AREG: variants seen among roughly 807,000 people sequenced by gnomAD.
AREG encodes amphiregulin.
Under a neutral mutation model 28.0 loss-of-function variants are expected in AREG, and 16 were observed. The observed-to-expected ratio is 0.57, with a 90% confidence interval of 0.39 to 0.87. The LOEUF (loss-of-function observed/expected upper bound fraction) is 0.87, where lower values mean the gene tolerates loss of function less well. AREG is among the 40% of genes least tolerant of loss of function. The pLI, the probability that AREG is intolerant of heterozygous loss-of-function variation, is 0.00. For missense variants in AREG, 287 were observed against 309.1 expected (o/e 0.93, Z 0.53); for synonymous variants, 113 against 113.5 (o/e 1.00, Z 0.02).
chr4:74,446,895 TG>T (rs1719300509), intron 2 of AREG, 113 bp downstream of exon 2: 11 of 1,602,504 alleles, frequency 6.9e-6, no homozygotes, highest in Non-Finnish European at 9.4e-6. Context: ...ATTGTATATC[TG>T]TTGGATAGCC....
chr4:74,451,429 A>G (rs978583092), intron 4 of AREG, among the ~76,000 whole-genome samples: 25 of 152,236 alleles, frequency 1.6e-4, no homozygotes, highest in Non-Finnish European at 4.4e-5. Context: ...TTTAACAGCT[A>G]TCCACTTGTG....
chr4:74,449,559 A>G (rs1719347230), intron 3 of AREG, among the ~76,000 whole-genome samples: 1 of 152,202 alleles, frequency 6.6e-6, no homozygotes, highest in African/African-American at 2.4e-5. Context: ...CAGCCTGGGC[A>G]ACATGGGGTG....
In AREG at chr4:74,454,962, G is replaced by A. The variant is rs1291161003; in HGVS notation, c.*222G>A. 1 of 622,482 alleles carries A rather than the reference G, an allele frequency of 1.6e-6. No homozygotes were observed. The highest frequency in any genetic ancestry group is 2.8e-6 in the Non-Finnish European group (1 of 351,160). The allele number at this position is 622,482 out of a possible 1,614,324, so 38.6% of individuals were successfully genotyped here. The stretch of plus-strand genomic sequence containing the variant: ...GTAAATAATTTATTTAATATTTAAT[G>A]GAAGTGTATTTATTTTACAGCTCAT... On this transcript the variant is annotated 3_prime_UTR_variant, in exon 6 of 6. Transcript: ENST00000395748.
chr4:74,452,571 T>A lies in AREG; in HGVS notation c.693T>A (p.Tyr231Ter). The A allele has an allele frequency of 1.2e-6, 2 of 1,613,510 alleles. No individual in the cohort carries two copies. Among genetic ancestry groups the A allele is most frequent in the Non-Finnish European group, 1.7e-6 (2 of 1,179,672 alleles). Residue 231 changes from tyrosine to a stop codon, truncating the protein, a stop_gained, in exon 5 of 6, where the codon TAT (tyrosine) becomes TAA (stop). Transcript: ENST00000395748. LOFTEE classifies it high-confidence loss of function. ...TTAGAAGACAATACGTCAGGAAATA[T>A]GAAGGAGAAGCTGAGGAACGAAAGA... ...VQLRRQYVRKYEGEAEERKKL... is the reference protein window; with the variant it reads ...VQLRRQYVRK
chr4:74,446,486 GC>G (rs1405279602), intron 1 of AREG, 47 bp from the exon 2 acceptor site: 109 of 1,613,756 alleles, frequency 6.8e-5, no homozygotes, highest in Non-Finnish European at 8.7e-5. Flanking sequence ...GACTCGAAAG[GC>G]ACCCTACTTT....
chr4:74,448,257 C>T (rs2643003), intron 2 of AREG, among the ~76,000 whole-genome samples: 123,665 of 152,240 alleles, frequency 0.81, 51,174 homozygotes, highest in East Asian at 0.99. Flanking sequence ...ATATAAAAAT[C>T]GCATAACCAC....
At chr4:74,445,432 C>G (rs1056201680) in intron 1 of AREG, 26 bp downstream of exon 1, 39 of 1,599,360 alleles carry the variant, frequency 2.4e-5, no homozygotes, top group Non-Finnish European at 3.3e-5. Flanking sequence ...CGCTGAACTG[C>G]TGGGCTCTCC....
intron 3 of AREG, 110 bp downstream of exon 3, chr4:74,449,358 C>T (rs1408076865): frequency 6.4e-7 from 1 of 1,554,356 alleles, no homozygotes; most frequent in Non-Finnish European, 8.7e-7. Context: ...GGTCAGTAAA[C>T]TTTTTGTTAA....
intron 3 of AREG, 69 bp from the exon 4 acceptor site, chr4:74,450,311 C>T: frequency 1.2e-6 from 2 of 1,611,876 alleles, no homozygotes; most frequent in Non-Finnish European, 1.7e-6. Flanking sequence ...TCTTTATGAT[C>T]TGGAGAATAA....
At chr4:74,446,455 A>G (rs1490620948) in intron 1 of AREG, 79 bp from the exon 2 acceptor site, 2 of 1,611,442 alleles carry the variant, frequency 1.2e-6, no homozygotes, top group African/African-American at 1.3e-5. Flanking sequence ...CAAAAGATAA[A>G]CTTTTCTACC....
In AREG at chr4:74,449,062, AG is replaced by A; in HGVS notation, c.327del (p.Lys109AsnfsTer54). On this transcript the variant is annotated frameshift_variant, in exon 3 of 6. Transcript: ENST00000395748. LOFTEE classifies it high-confidence loss of function. ...TCTTTTTTAGTTGAACAGGTAGTTA[AG>A]CCCCCCCAAAACAAGACGGAAAGTG... Reference protein sequence around the residue: ...DDSVRVEQVVKPPQNKTESEN... With the variant: ...DDSVRVEQVVXPPQNKTESEN... 1 of 1,610,098 alleles carries A rather than the reference AG, an allele frequency of 6.2e-7. No individual in the cohort carries two copies. The highest frequency in any genetic ancestry group is 1.7e-5 in the Admixed American group (1 of 59,176).
At chr4:74,446,297 G>A (rs1719285043) in intron 1 of AREG, among the ~76,000 whole-genome samples, 1 of 152,238 alleles carries the variant, frequency 6.6e-6, no homozygotes, top group Non-Finnish European at 1.5e-5. Context: ...GGAAATTAAT[G>A]TGGATTATCT....
intron 4 of AREG, among the ~76,000 whole-genome samples, chr4:74,451,764 A>C (rs1370568078): frequency 7.9e-6 from 1 of 126,878 alleles, no homozygotes; most frequent in Non-Finnish European, 1.7e-5. Flanking sequence ...TTTGACTTGA[A>C]ATATTTAATC....
intron 2 of AREG, chr4:74,448,826 C>A: frequency 1.7e-6 from 1 of 571,454 alleles, no homozygotes; most frequent in Non-Finnish European, 2.9e-6. Flanking sequence ...CTCACTAATT[C>A]CCAACTATAA....
At position 74,452,559 on chromosome 4, in the gene AREG, C is replaced by T. The variant is rs1207466589; in HGVS notation, c.681C>T (p.Tyr227=). 7.6e-5 allele frequency: 122 copies of T among 1,613,222 alleles called. 1 individual carries two copies. The Middle Eastern group carries it at 8.3e-4, about 11-fold the overall frequency. Residue 227 remains tyrosine, a synonymous_variant, in exon 5 of 6, where the codon TAC becomes TAT. Coordinates refer to ENST00000395748, the MANE Select transcript of AREG (RefSeq NM_001657.4). The part of the protein sequence containing the change: ...AVITVQLRRQ[Y]VRKYEGEAEE... ...TTCTCTGAAGGCTTAGAAGACAATA[C>T]GTCAGGAAATATGAAGGAGAAGCTG...
At chr4:74,446,426 G>A in intron 1 of AREG, 108 bp from the exon 2 acceptor site, 1 of 1,589,960 alleles carries the variant, frequency 6.3e-7, no homozygotes, top group Middle Eastern at 1.7e-4. Flanking sequence ...TAGCACATGT[G>A]CAATAACTGC....
Position 74,446,735 on chromosome 4 carries a change from A to G in AREG, c.263A>G (p.Asp88Gly). Residue 88 changes from aspartate (D) to glycine (G), a missense_variant, in exon 2 of 6, where the codon GAT (aspartate) becomes GGT (glycine). Transcript: ENST00000395748. ...GADYDYSEEYDNEPQIPGYIV... is the reference protein window; with the variant it reads ...GADYDYSEEYGNEPQIPGYIV... Reference sequence around the variant, plus strand: ...GACTATGACTACTCAGAAGAGTATGATAACGAACCACAAATACCTGGCTAT... The same window carrying G: ...GACTATGACTACTCAGAAGAGTATGGTAACGAACCACAAATACCTGGCTAT... 2 of 1,613,978 alleles carry G rather than the reference A, an allele frequency of 1.2e-6. No individual in the cohort carries two copies. The highest frequency in any genetic ancestry group is 1.7e-6 in the Non-Finnish European group (2 of 1,179,868).
At chr4:74,449,475 G>A (rs1223146578) in intron 3 of AREG, among the ~76,000 whole-genome samples, 2 of 152,224 alleles carry the variant, frequency 1.3e-5, no homozygotes, top group Non-Finnish European at 2.9e-5. Context: ...GGTGGGTGCA[G>A]TGGTTCACAC....
At chr4:74,450,927 A>T (rs1250837253) in intron 4 of AREG, among the ~76,000 whole-genome samples, 1 of 152,204 alleles carries the variant, frequency 6.6e-6, no homozygotes, top group Non-Finnish European at 1.5e-5. Context: ...AGTATCAGAC[A>T]TACTGCTTTG....
Sources: gnomAD v4.1 joint callset for allele counts (sites outside exome capture counted in the v4.1 genomes callset) on GRCh38, gnomAD v4.1.1 for gene constraint, MANE v1.5 for transcripts, NCBI Gene and HGNC (gene_info 2026-07-23, HGNC 2026-07-21) for gene names.